Variants in DHRSX observed in about 807,000 individuals in gnomAD.
DHRSX encodes dehydrogenase/reductase X-linked, also known as polyprenol dehydrogenase.
DHRSX carries 31 observed loss-of-function variants against 34.0 expected under a neutral mutation model. The observed-to-expected ratio is 0.91, with a 90% CI of 0.69 to 1.23. The LOEUF (loss-of-function observed/expected upper bound fraction) is 1.23, where lower values mean the gene tolerates loss of function less well. DHRSX is among the 50% of genes most tolerant of loss of function. DHRSX has a pLI of 0.00. For synonymous variants in DHRSX, 201 were observed against 183.8 expected, an observed-to-expected ratio of 1.09 and a Z score of -0.76; for missense variants, 414 against 428.1, an observed-to-expected ratio of 0.97 and a Z score of 0.29.
At chrX:2,343,629 C>T (rs772207955) in intron 3 of DHRSX, among the ~76,000 whole-genome samples, 2 of 152,292 alleles carry the variant, frequency 1.3e-5, no homozygotes, top group South Asian at 4.1e-4. Flanking sequence ...CAGCATCCAC[C>T]GCAAAAGGCT....
intron 1 of DHRSX, among the ~76,000 whole-genome samples, chrX:2,497,001 T>C (rs184395369): frequency 1.9e-3 from 292 of 152,236 alleles, no homozygotes; most frequent in African/African-American, 6.7e-3. Context: ...ATGTTTTAAA[T>C]TTCTGTTTTA....
At chrX:2,236,196 A>G (rs2016011602) in intron 6 of DHRSX, among the ~76,000 whole-genome samples, 1 of 152,218 alleles carries the variant, frequency 6.6e-6, no homozygotes, top group Non-Finnish European at 1.5e-5. Flanking sequence ...CGATAAATAC[A>G]TAAGCCAATT....
chrX:2,376,764 G>A (rs1160594939), intron 3 of DHRSX, among the ~76,000 whole-genome samples: 1 of 152,010 alleles, frequency 6.6e-6, no homozygotes, highest in Non-Finnish European at 1.5e-5. Context: ...GGGAGGCTGA[G>A]GCAGGCAGAT....
At chrX:2,233,567 C>A (rs2015946782) in intron 6 of DHRSX, among the ~76,000 whole-genome samples, 1 of 152,138 alleles carries the variant, frequency 6.6e-6, no homozygotes. Context: ...CATCAAGCCA[C>A]TCTTGAGTCC....
intron 4 of DHRSX, among the ~76,000 whole-genome samples, chrX:2,282,857 G>C (rs1000558028): frequency 7.5e-6 from 1 of 132,460 alleles, no homozygotes; most frequent in Non-Finnish European, 1.6e-5. Flanking sequence ...AGAGAAGGGA[G>C]AAGGGGAGAG....
intron 6 of DHRSX, among the ~76,000 whole-genome samples, chrX:2,238,459 AGAG>A (rs1490481265): frequency 6.6e-6 from 1 of 152,168 alleles, no homozygotes; most frequent in Non-Finnish European, 1.5e-5. Flanking sequence ...CTGATGAGAC[AGAG>A]GATAGAGGTT....
chrX:2,493,480 T>C (rs2045209514), intron 1 of DHRSX, among the ~76,000 whole-genome samples: 1 of 151,488 alleles, frequency 6.6e-6, no homozygotes, highest in Non-Finnish European at 1.5e-5. Context: ...TCATTATTAT[T>C]ATTATTATGT....
chrX:2,403,137 C>G (rs2043508386), intron 3 of DHRSX, among the ~76,000 whole-genome samples: 1 of 152,096 alleles, frequency 6.6e-6, no homozygotes, highest in East Asian at 1.9e-4. Flanking sequence ...CCTGCCTCGG[C>G]TTTCCAAAGT....
intron 1 of DHRSX, among the ~76,000 whole-genome samples, chrX:2,452,693 C>T (rs1198612677): frequency 1.3e-5 from 2 of 151,906 alleles, no homozygotes; most frequent in African/African-American, 2.4e-5. Flanking sequence ...GCTAAGGGAC[C>T]ACTGCCAAGT....
At chrX:2,228,541 AAG>A (rs1269411098) in intron 6 of DHRSX, among the ~76,000 whole-genome samples, 8 of 136,610 alleles carry the variant, frequency 5.9e-5, no homozygotes, top group African/African-American at 2.2e-4. Flanking sequence ...TGGAGGAAAA[AAG>A]AGAAGATAAG....
chrX:2,331,450 T>TTTTG (rs2042475414), intron 3 of DHRSX, among the ~76,000 whole-genome samples: 2 of 135,576 alleles, frequency 1.5e-5, no homozygotes, highest in South Asian at 5.0e-4. Context: ...TTTTTTTTTT[T>TTTTG]TTTTTTTTTT....
chrX:2,392,963 A>G (rs2124622894), intron 3 of DHRSX, among the ~76,000 whole-genome samples: 1 of 143,660 alleles, frequency 7.0e-6, no homozygotes, highest in South Asian at 2.2e-4. Context: ...ATATAATTTT[A>G]TATTACAAAT....
At chrX:2,379,160 G>A (rs768499448) in intron 3 of DHRSX, among the ~76,000 whole-genome samples, 1 of 150,362 alleles carries the variant, frequency 6.7e-6, no homozygotes, top group South Asian at 2.1e-4. Context: ...AGGTCTTCAC[G>A]TGCCCCTAAC....
intron 3 of DHRSX, among the ~76,000 whole-genome samples, chrX:2,303,797 G>A (rs62595544): frequency 0.047 from 1,223 of 26,042 alleles, 50 homozygotes; most frequent in African/African-American, 0.11. Context: ...GGATGGGTGG[G>A]TGGGTGGGTG....
At chrX:2,427,148 G>C (rs1478240957) in intron 1 of DHRSX, among the ~76,000 whole-genome samples, 1 of 152,220 alleles carries the variant, frequency 6.6e-6, no homozygotes, top group Admixed American at 6.5e-5. Flanking sequence ...CGGAGGGTTA[G>C]AGAACAATCT....
chrX:2,312,596 G>A (rs1166899274), intron 3 of DHRSX, among the ~76,000 whole-genome samples: 3 of 152,046 alleles, frequency 2.0e-5, no homozygotes, highest in Non-Finnish European at 4.4e-5. Flanking sequence ...CTAGGGGAGG[G>A]AGAGCATTAG....
chrX:2,385,362 G>A (rs1476617651), intron 3 of DHRSX, among the ~76,000 whole-genome samples: 1 of 151,938 alleles, frequency 6.6e-6, no homozygotes. Flanking sequence ...GCTTTATTGT[G>A]GTTTATGAGA....
At chrX:2,481,290 C>T (rs766205458) in intron 1 of DHRSX, among the ~76,000 whole-genome samples, 17 of 152,234 alleles carry the variant, frequency 1.1e-4, no homozygotes, top group African/African-American at 4.1e-4. Flanking sequence ...ATGGTGTCTC[C>T]TCTTAATTCA....
At chrX:2,351,759 G>A (rs1265741160) in intron 3 of DHRSX, among the ~76,000 whole-genome samples, 5 of 152,196 alleles carry the variant, frequency 3.3e-5, no homozygotes, top group African/African-American at 7.2e-5. Context: ...TTACTCTGTC[G>A]CCCAGGCTGG....
Sources: gnomAD v4.1 joint callset for allele counts (sites outside exome capture counted in the v4.1 genomes callset) on GRCh38, gnomAD v4.1.1 for gene constraint, MANE v1.5 for transcripts, NCBI Gene and HGNC (gene_info 2026-07-23, HGNC 2026-07-21) for gene names.